PTGFR: variants seen among roughly 807,000 people sequenced by gnomAD.
PTGFR encodes the protein prostaglandin F receptor, also known as prostaglandin F2-alpha receptor.
A neutral mutation model predicts 26.2 loss-of-function variants in PTGFR; 15 were observed. That is an observed-to-expected ratio of 0.57 (90% CI 0.38 to 0.88). PTGFR has a LOEUF of 0.88. Ranked by LOEUF, PTGFR falls within the 40% of genes least tolerant of loss-of-function variation. The pLI, the probability that PTGFR is intolerant of heterozygous loss-of-function variation, is 0.00. For missense variants in PTGFR, 369 were observed against 427.2 expected (o/e 0.86, Z 1.20); for synonymous variants, 165 against 151.1 (o/e 1.09, Z -0.68).
chr1:78,502,712 A>G (rs1055664436), intron 2 of PTGFR, among the ~76,000 whole-genome samples: 3 of 152,186 alleles, frequency 2.0e-5, no homozygotes, highest in South Asian at 2.1e-4. Context: ...TTGGTGATCC[A>G]TAAGTGGTTA....
rs146358187 is a variant in PTGFR, at chr1:78,493,183, T to A, written c.440T>A (p.Ile147Asn). 2.5e-6 allele frequency: 4 copies of A among 1,614,092 alleles called. No homozygotes were observed. The African/African-American group carries it at 4.0e-5, about 16-fold the overall frequency. Reference protein sequence around the residue: ...VTKPIFHSTKITSKHVKMMLS... With the variant: ...VTKPIFHSTKNTSKHVKMMLS... ...AAACCAATATTTCATTCTACGAAAA[T>A]TACATCCAAACATGTGAAAATGATG... Residue 147 changes from isoleucine (I) to asparagine (N), a missense_variant, in exon 2 of 3, where the codon ATT becomes AAT. Physicochemically the swap from Ile to Asn is moderately radical, Grantham distance 149 (BLOSUM62 -3). Coordinates refer to ENST00000370757, the MANE Select transcript of PTGFR (RefSeq NM_000959.4).
intron 2 of PTGFR, among the ~76,000 whole-genome samples, chr1:78,517,151 A>T (rs1650106150): frequency 6.6e-6 from 1 of 152,192 alleles, no homozygotes; most frequent in South Asian, 2.1e-4. Context: ...TACCATAAAT[A>T]CCATACCAAG....
chr1:78,534,506 T>A lies in PTGFR; in HGVS notation c.799-1900T>A, dbSNP rs377715709. 9.9e-5 allele frequency among the ~76,000 whole-genome samples: 15 copies of A among 152,172 alleles called. No homozygotes were observed. In the South Asian group the frequency reaches 1.7e-3, roughly 17 times the overall value. On this transcript the variant is annotated intron_variant, in intron 2 of 2. Transcript: ENST00000370757. ...TTTGATTCTTTAGTAAAATAGTATATCTCCACAAATTTCTTAGGGGAAAAA... is the reference window on the plus strand; with the variant it reads ...TTTGATTCTTTAGTAAAATAGTATAACTCCACAAATTTCTTAGGGGAAAAA...
In PTGFR at chr1:78,527,735, AACAAATAG is replaced by A. The variant is rs540644131; in HGVS notation, c.799-8667_799-8660del. ...TTACAGAGAATGTTGTATGCCAGTT[AACAAATAG>A]ACAGCCACTATGTGCCCAGCACAGA... is the stretch of plus-strand genomic sequence containing the variant. On this transcript the variant is annotated intron_variant, in intron 2 of 2. Transcript: ENST00000370757. 9.6e-4 allele frequency among the ~76,000 whole-genome samples: 146 copies of A among 152,266 alleles called. 1 individual carries two copies. Among genetic ancestry groups the A allele is most frequent in the African/African-American group, 3.3e-3 (139 of 41,580 alleles).
intron 2 of PTGFR, among the ~76,000 whole-genome samples, chr1:78,535,249 G>C (rs781732301): frequency 1.3e-5 from 2 of 152,228 alleles, no homozygotes; most frequent in Non-Finnish European, 1.5e-5. Context: ...GGAAAGATGA[G>C]GTCTTCACAG....
intron 2 of PTGFR, among the ~76,000 whole-genome samples, chr1:78,499,344 A>G (rs2057424): frequency 0.18 from 28,059 of 152,072 alleles, 3,317 homozygotes; most frequent in East Asian, 0.55. Context: ...AACATAATAC[A>G]TATTTCTCTG....
chr1:78,506,434 A>G (rs2100364035), intron 2 of PTGFR, among the ~76,000 whole-genome samples: 1 of 152,164 alleles, frequency 6.6e-6, no homozygotes, highest in South Asian at 2.1e-4. Context: ...TATTAGAATT[A>G]TTCCAGTTTT....
intron 2 of PTGFR, among the ~76,000 whole-genome samples, chr1:78,513,101 A>C (rs1650011812): frequency 6.6e-6 from 1 of 152,196 alleles, no homozygotes; most frequent in African/African-American, 2.4e-5. Flanking sequence ...AAGGACTAAC[A>C]CAGAAAATTT....
intron 2 of PTGFR, among the ~76,000 whole-genome samples, chr1:78,515,423 T>C (rs1438815808): frequency 6.6e-6 from 1 of 152,226 alleles, no homozygotes; most frequent in Non-Finnish European, 1.5e-5. Context: ...ACTAACATTT[T>C]CCTTCCAAAT....
chr1:78,535,925 T>C (rs1570304628), intron 2 of PTGFR, among the ~76,000 whole-genome samples: 2 of 152,162 alleles, frequency 1.3e-5, no homozygotes, highest in East Asian at 3.9e-4. Context: ...GTGGTATCCT[T>C]GTAGTTAAGA....
intron 2 of PTGFR, among the ~76,000 whole-genome samples, chr1:78,523,741 A>G (rs1274430594): frequency 1.3e-5 from 2 of 152,156 alleles, no homozygotes; most frequent in Non-Finnish European, 2.9e-5. Context: ...ATTATGGTGA[A>G]CCATATTCTG....
intron 2 of PTGFR, among the ~76,000 whole-genome samples, chr1:78,529,245 G>A (rs1489621361): frequency 6.6e-6 from 1 of 152,046 alleles, no homozygotes; most frequent in Non-Finnish European, 1.5e-5. Context: ...CGTTGCCAGT[G>A]GTCAAATAAA....
chr1:78,532,029 A>G (rs181876473), intron 2 of PTGFR, among the ~76,000 whole-genome samples: 2 of 152,168 alleles, frequency 1.3e-5, no homozygotes, highest in East Asian at 1.9e-4. Context: ...TCTGCAGAAG[A>G]TGGGACAAGG....
chr1:78,514,658 G>A (rs533471424), intron 2 of PTGFR, among the ~76,000 whole-genome samples: 13 of 152,240 alleles, frequency 8.5e-5, no homozygotes, highest in African/African-American at 2.9e-4. Flanking sequence ...GGGCCTAGGG[G>A]TGGAATGATA....
intron 2 of PTGFR, among the ~76,000 whole-genome samples, chr1:78,493,911 G>A (rs935604886): frequency 6.6e-6 from 1 of 152,228 alleles, no homozygotes; most frequent in African/African-American, 2.4e-5. Context: ...AAAGTCACAT[G>A]AACTTTTAAC....
chr1:78,508,588 C>A (rs1570278917), intron 2 of PTGFR, among the ~76,000 whole-genome samples: 1 of 152,222 alleles, frequency 6.6e-6, no homozygotes, highest in East Asian at 1.9e-4. Flanking sequence ...TCATGTGGTT[C>A]AAACTCTCCC....
At chr1:78,495,323 AT>A (rs1649520778) in intron 2 of PTGFR, among the ~76,000 whole-genome samples, 1 of 152,198 alleles carries the variant, frequency 6.6e-6, no homozygotes, top group Non-Finnish European at 1.5e-5. Context: ...TTCATTGTTT[AT>A]TTTTGAGGAG....
rs765652939 is a variant in PTGFR at position 78,493,403 on chromosome 1, T to C, written c.660T>C (p.Asn220=). Residue 220 remains asparagine, a synonymous_variant, in exon 2 of 3, where the codon AAT becomes AAC. Coordinates refer to ENST00000370757, the MANE Select transcript of PTGFR (RefSeq NM_000959.4). ...LLALGVSLLC[N]AITGITLLRV... is the part of the protein sequence containing the mutation. ...CCCTTGGTGTTTCATTGTTGTGCAATGCAATCACAGGAATTACACTTTTAA... is the reference window on the plus strand; with the variant it reads ...CCCTTGGTGTTTCATTGTTGTGCAACGCAATCACAGGAATTACACTTTTAA... 5 of 1,613,648 alleles carry C rather than the reference T, an allele frequency of 3.1e-6. No individual in the cohort carries two copies. Among genetic ancestry groups the C allele is most frequent in the African/African-American group, 2.7e-5 (2 of 74,920 alleles).
At chr1:78,532,396 ATGTATATATGTG>A (rs1650534933) in intron 2 of PTGFR, 13 of 128,868 alleles carry the variant, frequency 1.0e-4, no homozygotes, top group East Asian at 2.6e-4. Context: ...ATATATATAT[ATGTATATATGTG>A]TATATATATG....
Sources: gnomAD v4.1 joint callset for allele counts (sites outside exome capture counted in the v4.1 genomes callset) on GRCh38, gnomAD v4.1.1 for gene constraint, MANE v1.5 for transcripts, NCBI Gene and HGNC (gene_info 2026-07-23, HGNC 2026-07-21) for gene names.